ZBTB7C: variants seen among roughly 807,000 people sequenced by gnomAD.
ZBTB7C encodes the protein zinc finger and BTB domain-containing protein 7C.
Under a neutral mutation model 25.7 loss-of-function variants are expected in ZBTB7C, and 8 were observed. That is an observed-to-expected ratio of 0.31 (90% CI 0.18 to 0.56). The LOEUF (loss-of-function observed/expected upper bound fraction) is 0.56. Ranked by LOEUF, ZBTB7C falls within the 20% of genes least tolerant of loss-of-function variation. The pLI is 0.91. For missense variants in ZBTB7C, 824 were observed against 855.2 expected (o/e 0.96, Z 0.46); for synonymous variants, 394 against 369.0 (o/e 1.07, Z -0.78).
At chr18:48,283,103 T>A (rs2044923034) in intron 2 of ZBTB7C, among the ~76,000 whole-genome samples, 1 of 152,196 alleles carries the variant, frequency 6.6e-6, no homozygotes, top group Non-Finnish European at 1.5e-5. Context: ...TTAGTAAAGC[T>A]TTAAGAAAGG....
intron 1 of ZBTB7C, among the ~76,000 whole-genome samples, chr18:48,351,488 G>T (rs2046861079): frequency 6.6e-6 from 1 of 152,170 alleles, no homozygotes; most frequent in African/African-American, 2.4e-5. Flanking sequence ...AGTGGGGAAA[G>T]TATACCACCA....
intron 3 of ZBTB7C, among the ~76,000 whole-genome samples, chr18:48,160,133 A>T (rs1334861959): frequency 1.2e-4 from 19 of 152,172 alleles, no homozygotes; most frequent in Admixed American, 1.2e-3. Flanking sequence ...GCTTGAAGTG[A>T]CCAAAGATGA....
chr18:48,301,854 G>A (rs1165130855), intron 2 of ZBTB7C, among the ~76,000 whole-genome samples: 1 of 152,112 alleles, frequency 6.6e-6, no homozygotes, highest in African/African-American at 2.4e-5. Flanking sequence ...AGCTCCCCAG[G>A]GCAAGGAAGG....
chr18:48,061,811 C>T (rs2037137332), intron 3 of ZBTB7C, among the ~76,000 whole-genome samples: 1 of 152,176 alleles, frequency 6.6e-6, no homozygotes, highest in African/African-American at 2.4e-5. Flanking sequence ...TGGAGGTTCA[C>T]ATCACTAGGC....
intron 2 of ZBTB7C, among the ~76,000 whole-genome samples, chr18:48,188,418 C>T (rs189221355): frequency 1.5e-4 from 23 of 152,300 alleles, no homozygotes; most frequent in African/African-American, 4.3e-4. Flanking sequence ...CATTGGCTCT[C>T]GTGAGAACTC....
chr18:48,061,771 G>T (rs2037135771), intron 3 of ZBTB7C, among the ~76,000 whole-genome samples: 1 of 152,270 alleles, frequency 6.6e-6, no homozygotes, highest in Non-Finnish European at 1.5e-5. Context: ...AGAATGAGTT[G>T]CTTCTCTGTA....
intron 1 of ZBTB7C, among the ~76,000 whole-genome samples, chr18:48,354,043 G>A (rs62086518): frequency 0.23 from 35,656 of 152,052 alleles, 4,556 homozygotes; most frequent in Non-Finnish European, 0.28. Context: ...AGCAGAAATC[G>A]GCCTCCAGTT....
At chr18:48,100,139 C>T (rs956631605) in intron 3 of ZBTB7C, among the ~76,000 whole-genome samples, 2 of 152,198 alleles carry the variant, frequency 1.3e-5, no homozygotes, top group South Asian at 2.1e-4. Context: ...CCAGGTTGTT[C>T]TCATCAAGTG....
At chr18:48,282,998 T>C (rs1352662651) in intron 2 of ZBTB7C, among the ~76,000 whole-genome samples, 2 of 152,202 alleles carry the variant, frequency 1.3e-5, no homozygotes, top group African/African-American at 4.8e-5. Context: ...ATTTTCTATG[T>C]AGCTAATATT....
intron 3 of ZBTB7C, among the ~76,000 whole-genome samples, chr18:48,126,969 C>G (rs1478881668): frequency 6.6e-6 from 1 of 152,094 alleles, no homozygotes; most frequent in Non-Finnish European, 1.5e-5. Flanking sequence ...AGAGAACCTT[C>G]AAGGTTCAAG....
chr18:48,029,611 C>T lies in ZBTB7C; in HGVS notation c.1509G>A (p.Ala503=), dbSNP rs757763504. 3 of 1,487,414 alleles carry T rather than the reference C, an allele frequency of 2.0e-6. No individual in the cohort carries two copies. Among genetic ancestry groups the T allele is most frequent in the Admixed American group, 2.6e-5 (1 of 38,182 alleles). The allele number at this position is 1,487,414 out of a possible 1,614,324, so 92.1% of individuals were successfully genotyped here. The change falls in exon 5 of 5, where the codon GCG becomes GCA. Residue 503 remains alanine (A), a synonymous_variant. Coordinates refer to ENST00000590800, the MANE Select transcript of ZBTB7C (RefSeq NM_001318841.2). ...FGPGGPAPDK[A]AFVMPPALGE... is the part of the protein sequence containing the mutation. ...CCAGCGCAGGGGGCATCACGAAGGC[C>T]GCCTTGTCGGGGGCCGGGCCGCCGG...
chr18:48,347,339 G>A (rs72913574), intron 1 of ZBTB7C, among the ~76,000 whole-genome samples: 9,872 of 151,844 alleles, frequency 0.065, 371 homozygotes, highest in African/African-American at 0.078. Flanking sequence ...ACTCCCAGCC[G>A]TGATCCCCAA....
intron 1 of ZBTB7C, among the ~76,000 whole-genome samples, chr18:48,389,181 G>T (rs1343948010): frequency 7.7e-6 from 1 of 130,196 alleles, no homozygotes; most frequent in African/African-American, 3.0e-5. Context: ...GATGTTCAGA[G>T]CCCTTTAACT....
chr18:48,154,011 C>T (rs537322046), intron 3 of ZBTB7C, among the ~76,000 whole-genome samples: 13 of 152,212 alleles, frequency 8.5e-5, no homozygotes, highest in African/African-American at 2.2e-4. Flanking sequence ...CTGGGAAACT[C>T]GGAAAGGGAG....
At chr18:48,332,598 T>C (rs1453990576) in intron 2 of ZBTB7C, among the ~76,000 whole-genome samples, 1 of 151,784 alleles carries the variant, frequency 6.6e-6, no homozygotes, top group Non-Finnish European at 1.5e-5. Flanking sequence ...GATGCTCTCC[T>C]ACCATTCAGT....
intron 3 of ZBTB7C, among the ~76,000 whole-genome samples, chr18:48,119,626 T>C (rs1323782593): frequency 6.6e-6 from 1 of 152,246 alleles, no homozygotes; most frequent in Non-Finnish European, 1.5e-5. Context: ...TCATAGTTCA[T>C]GTGTAACAGG....
At chr18:48,078,311 C>T (rs1228890331) in intron 3 of ZBTB7C, among the ~76,000 whole-genome samples, 1 of 152,230 alleles carries the variant, frequency 6.6e-6, no homozygotes, top group African/African-American at 2.4e-5. Context: ...CCGAGACACA[C>T]ATGCAAGGCC....
chr18:48,288,446 G>A (rs1043669802), intron 2 of ZBTB7C, among the ~76,000 whole-genome samples: 4 of 151,816 alleles, frequency 2.6e-5, no homozygotes, highest in African/African-American at 7.3e-5. Context: ...CCAGGAGTTC[G>A]GGACCAGCCT....
At chr18:48,090,108 G>A (rs532898230) in intron 3 of ZBTB7C, among the ~76,000 whole-genome samples, 10 of 152,350 alleles carry the variant, frequency 6.6e-5, no homozygotes, top group African/African-American at 2.4e-4. Context: ...CGCGGGAAGT[G>A]CCAGGAAAAC....
Sources: gnomAD v4.1 joint callset for allele counts (sites outside exome capture counted in the v4.1 genomes callset) on GRCh38, gnomAD v4.1.1 for gene constraint, MANE v1.5 for transcripts, NCBI Gene and HGNC (gene_info 2026-07-23, HGNC 2026-07-21) for gene names.